Variants in ATP2B2 observed in about 807,000 individuals in gnomAD.
ATP2B2 encodes the protein ATPase plasma membrane Ca2+ transporting 2.
Under a neutral mutation model 120.0 loss-of-function variants are expected in ATP2B2, and 15 were observed. That is an observed-to-expected ratio of 0.12 (90% CI 0.08 to 0.19). The LOEUF (loss-of-function observed/expected upper bound fraction) is 0.19, where lower values mean the gene tolerates loss of function less well. ATP2B2 is among the 10% of genes least tolerant of loss of function. ATP2B2 has a pLI of 1.00. For synonymous variants in ATP2B2, 694 were observed against 700.3 expected (o/e 0.99, Z 0.14); for missense variants, 1,045 against 1,719.8 (o/e 0.61, Z 6.94).
chr3:10,621,621 A>G (rs867425436), intron 1 of ATP2B2, among the ~76,000 whole-genome samples: 1 of 152,344 alleles, frequency 6.6e-6, no homozygotes, highest in South Asian at 2.1e-4. Context: ...GGCTGCGGCC[A>G]TGTCAGGAGA....
At position 10,350,443 on chromosome 3, in the gene ATP2B2, G is replaced by A. The variant is rs767224451; in HGVS notation, c.2271C>T (p.Leu757=). 30 of 1,614,068 alleles carry A rather than the reference G, an allele frequency of 1.9e-5. No individual in the cohort carries two copies. Among genetic ancestry groups the A allele is most frequent in the African/African-American group, 8.0e-5 (6 of 74,918 alleles). ...IIHPGEDFLC[L]EGKEFNRRIR... is the part of the protein sequence containing the mutation. ...TCCTCCTGTTGAACTCCTTGCCCTC[G>A]AGGCACAGAAAGTCCTCCCCAGGAT... is the stretch of plus-strand genomic sequence containing the variant. Residue 757 remains leucine (L), a synonymous_variant, in exon 15 of 23, where the codon CTC becomes CTT. Transcript: ENST00000360273.
chr3:10,361,220 A>G (rs989701265), intron 12 of ATP2B2, among the ~76,000 whole-genome samples: 4 of 152,238 alleles, frequency 2.6e-5, no homozygotes, highest in African/African-American at 7.2e-5. Flanking sequence ...GGGCAAGTTC[A>G]TGCAGTTTAA....
chr3:10,549,100 G>A (rs1050897224), intron 2 of ATP2B2, among the ~76,000 whole-genome samples: 2 of 152,222 alleles, frequency 1.3e-5, no homozygotes, highest in African/African-American at 4.8e-5. Flanking sequence ...TTAAAACCAT[G>A]TGCCAGCTGT....
At chr3:10,551,135 C>T (rs2067660832) in intron 2 of ATP2B2, among the ~76,000 whole-genome samples, 1 of 152,194 alleles carries the variant, frequency 6.6e-6, no homozygotes, top group African/African-American at 2.4e-5. Flanking sequence ...CAGGGCATAC[C>T]AAGTCGCTCA....
rs138324769 is a variant in ATP2B2, at chr3:10,556,487, G to A, written c.-414-22354C>T. 2.2e-3 allele frequency among the ~76,000 whole-genome samples: 337 copies of A among 152,366 alleles called. 1 individual carries two copies. Among genetic ancestry groups the A allele is most frequent in the African/African-American group, 7.6e-3 (316 of 41,586 alleles). Reference sequence around the variant, plus strand: ...AAGCACAAGGCAGGGCGAGTGGCAAGTGACAGGAAGGGCTTCTGTCTTATA... The same window carrying A: ...AAGCACAAGGCAGGGCGAGTGGCAAATGACAGGAAGGGCTTCTGTCTTATA... On this transcript the variant is annotated intron_variant, in intron 2 of 21. Coordinates refer to the ATP2B2 transcript ENST00000646379.
chr3:10,468,415 T>C (rs1208022581), intron 1 of ATP2B2, among the ~76,000 whole-genome samples: 2 of 152,262 alleles, frequency 1.3e-5, no homozygotes, highest in African/African-American at 4.8e-5. Flanking sequence ...CCGCATCACC[T>C]GCTGTTAGGA....
rs559168010 is a variant in ATP2B2, at chr3:10,414,825, C to T, written c.200-4010G>A. 3.9e-5 allele frequency among the ~76,000 whole-genome samples: 6 copies of T among 152,280 alleles called. No homozygotes were observed. In the South Asian group the frequency reaches 1.2e-3, roughly 32 times the overall value. On this transcript the variant is annotated intron_variant, in intron 2 of 22. Transcript: ENST00000360273. ...CCCCAGCCCCCGCCCTTGCCCACTCCCCACAGACTTCCGAGAGGCCCTCTG... is the reference window on the plus strand; with the variant it reads ...CCCCAGCCCCCGCCCTTGCCCACTCTCCACAGACTTCCGAGAGGCCCTCTG...
chr3:10,416,236 C>T (rs186782382), intron 2 of ATP2B2, among the ~76,000 whole-genome samples: 8 of 152,318 alleles, frequency 5.3e-5, no homozygotes, highest in African/African-American at 1.4e-4. Context: ...CCTGCTGTCA[C>T]GGCTGCTTGC....
intron 2 of ATP2B2, among the ~76,000 whole-genome samples, chr3:10,607,039 T>C: frequency 6.6e-6 from 1 of 151,828 alleles, no homozygotes; most frequent in Non-Finnish European, 1.5e-5. Flanking sequence ...TCAACCTTTG[T>C]CTTAAAAACA....
In ATP2B2 at chr3:10,345,899, G is replaced by C. The variant is rs1158953273; in HGVS notation, c.2511+132C>G. ...ACCTCGGGGTCAGGCTGAGTCTCGA[G>C]AAGGGTGGGCACCCACGGCAGATGG... On this transcript the variant is annotated intron_variant, in intron 17 of 22. Transcript: ENST00000360273. The C allele has an allele frequency of 7.5e-6, 7 of 927,830 alleles. No individual in the cohort carries two copies. The East Asian group carries it at 1.6e-4, about 21-fold the overall frequency. The allele number at this position is 927,830 out of a possible 1,614,324, so 57.5% of individuals were successfully genotyped here.
intron 9 of ATP2B2, 40 bp downstream of exon 9, chr3:10,379,203 C>T (rs1458656049): frequency 2.5e-6 from 4 of 1,605,694 alleles, no homozygotes; most frequent in African/African-American, 1.3e-5. Flanking sequence ...TGGGGAGGGG[C>T]CTCAGGGACG....
chr3:10,645,437 T>C (rs2070297578), intron 1 of ATP2B2, among the ~76,000 whole-genome samples: 1 of 152,182 alleles, frequency 6.6e-6, no homozygotes, highest in Non-Finnish European at 1.5e-5. Context: ...TTAGGAAGTG[T>C]ATACTAAAGC....
intron 14 of ATP2B2, among the ~76,000 whole-genome samples, chr3:10,352,944 G>A (rs2060619294): frequency 6.6e-6 from 1 of 152,184 alleles, no homozygotes; most frequent in Non-Finnish European, 1.5e-5. Flanking sequence ...TTGGGTCATT[G>A]ACTTTGACCC....
chr3:10,442,390 G>T (rs2125147446), intron 2 of ATP2B2, among the ~76,000 whole-genome samples: 1 of 152,248 alleles, frequency 6.6e-6, no homozygotes, highest in Non-Finnish European at 1.5e-5. Flanking sequence ...TTATCTATCT[G>T]TCCCGTGCTC....
At chr3:10,337,696 C>A (rs1027289786) in intron 22 of ATP2B2, among the ~76,000 whole-genome samples, 22 of 152,214 alleles carry the variant, frequency 1.4e-4, no homozygotes, top group African/African-American at 5.3e-4. Context: ...CTCTCCACCC[C>A]CTAGGGGAAG....
intron 1 of ATP2B2, among the ~76,000 whole-genome samples, chr3:10,466,854 A>T (rs943264378): frequency 6.6e-5 from 10 of 152,240 alleles, no homozygotes; most frequent in Non-Finnish European, 1.3e-4. Context: ...AGGGGCCTGC[A>T]TTGCATCCCA....
intron 3 of ATP2B2, among the ~76,000 whole-genome samples, chr3:10,517,510 A>G (rs1040868033): frequency 6.6e-6 from 1 of 152,240 alleles, no homozygotes; most frequent in Non-Finnish European, 1.5e-5. Context: ...CCTTCAGCCT[A>G]TAACACTATG....
chr3:10,559,934 G>T (rs1410436175), intron 2 of ATP2B2, among the ~76,000 whole-genome samples: 1 of 152,208 alleles, frequency 6.6e-6, no homozygotes, highest in Non-Finnish European at 1.5e-5. Context: ...TACACTGAGT[G>T]ATATGGTTTC....
chr3:10,349,463 TAAAATA>T (rs1203022615), intron 16 of ATP2B2, among the ~76,000 whole-genome samples: 8 of 151,780 alleles, frequency 5.3e-5, no homozygotes, highest in Non-Finnish European at 1.0e-4. Flanking sequence ...TCAAATAAAA[TAAAATA>T]AAAATAAAAA....
Sources: gnomAD v4.1 joint callset for allele counts (sites outside exome capture counted in the v4.1 genomes callset) on GRCh38, gnomAD v4.1.1 for gene constraint, MANE v1.5 for transcripts, NCBI Gene and HGNC (gene_info 2026-07-23, HGNC 2026-07-21) for gene names.